LTBP1: variants seen among roughly 807,000 people sequenced by gnomAD.
LTBP1 encodes latent transforming growth factor beta binding protein 1, also known as latent-transforming growth factor beta-binding protein 1.
Under a neutral mutation model 207.6 loss-of-function variants are expected in LTBP1, and 129 were observed. That is an observed-to-expected ratio of 0.62 (90% CI 0.54 to 0.72). The LOEUF (loss-of-function observed/expected upper bound fraction) is 0.72. Ranked by LOEUF, LTBP1 falls within the 30% of genes least tolerant of loss-of-function variation. The pLI is 0.00. For missense variants in LTBP1, 2,281 were observed against 2,217.2 expected (o/e 1.03, Z -0.58); for synonymous variants, 963 against 833.7 (o/e 1.16, Z -2.67).
At chr2:33,104,394 A>G (rs566369482) in intron 3 of LTBP1, among the ~76,000 whole-genome samples, 92 of 152,184 alleles carry the variant, frequency 6.0e-4, no homozygotes, top group Non-Finnish European at 1.1e-3. Context: ...ATGCAGTCAT[A>G]TTTTGGCTCC....
At position 33,301,723 on chromosome 2, in the gene LTBP1, T is replaced by G. The variant is rs2093992088; in HGVS notation, c.3481+79T>G. 3 of 1,280,358 alleles carry G rather than the reference T, an allele frequency of 2.3e-6. No individual in the cohort carries two copies. In the South Asian group the frequency reaches 5.3e-5, roughly 23 times the overall value. The allele number at this position is 1,280,358 out of a possible 1,614,324, so 79.3% of individuals were successfully genotyped here. On this transcript the variant is annotated intron_variant, in intron 22 of 33. Coordinates refer to ENST00000404816, the MANE Select transcript of LTBP1 (RefSeq NM_206943.4). Reference sequence around the variant, plus strand: ...CTGGGCATCATCTCAGCCTTGATCTTTGAACCTCATCTCTTGATTTCATAG... The same window carrying G: ...CTGGGCATCATCTCAGCCTTGATCTGTGAACCTCATCTCTTGATTTCATAG...
chr2:33,179,891 A>C (rs2086444739), intron 5 of LTBP1, among the ~76,000 whole-genome samples: 1 of 152,060 alleles, frequency 6.6e-6, no homozygotes, highest in East Asian at 1.9e-4. Flanking sequence ...ACTGCCTTAT[A>C]TCCTTATGGA....
intron 3 of LTBP1, among the ~76,000 whole-genome samples, chr2:33,080,258 C>A (rs2078317279): frequency 6.6e-6 from 1 of 152,126 alleles, no homozygotes; most frequent in Non-Finnish European, 1.5e-5. Flanking sequence ...AAACTCCTGA[C>A]CTCAAGTGAT....
At chr2:33,160,032 C>T (rs1002607909) in intron 5 of LTBP1, among the ~76,000 whole-genome samples, 2 of 152,142 alleles carry the variant, frequency 1.3e-5, no homozygotes, top group African/African-American at 2.4e-5. Flanking sequence ...GCACCCGCCA[C>T]CACACCTGGC....
intron 2 of LTBP1, among the ~76,000 whole-genome samples, chr2:33,001,102 T>C (rs1686012253): frequency 7.4e-6 from 1 of 134,802 alleles, no homozygotes; most frequent in African/African-American, 2.6e-5. Context: ...GCCTCATACC[T>C]GGCCCATGAT....
At chr2:33,109,716 TA>T (rs1471860773) in intron 3 of LTBP1, among the ~76,000 whole-genome samples, 1 of 152,204 alleles carries the variant, frequency 6.6e-6, no homozygotes, top group African/African-American at 2.4e-5. Flanking sequence ...AGACACAGCA[TA>T]AAAAATTGTT....
chr2:33,124,940 T>A (rs149128590), intron 4 of LTBP1, among the ~76,000 whole-genome samples: 18 of 152,216 alleles, frequency 1.2e-4, no homozygotes, highest in Non-Finnish European at 2.4e-4. Context: ...CCTTTGAACT[T>A]CTTATTATCA....
chr2:32,946,976 C>G lies in LTBP1; in HGVS notation c.-349C>G, dbSNP rs369590661. On this transcript the variant is annotated 5_prime_UTR_variant, in exon 1 of 34. Coordinates refer to ENST00000404816, the MANE Select transcript of LTBP1 (RefSeq NM_206943.4). ...TCGGAGTGTCCCGCGCGCTCTCGCT[C>G]GCTCTCGGCCACCCTCGCCGGGCCC... 4.2e-3 allele frequency: 801 copies of G among 189,590 alleles called. 7 individuals are homozygous for G. The highest frequency in any genetic ancestry group is 0.017 in the African/African-American group (748 of 42,864). The allele number at this position is 189,590 out of a possible 1,614,324, so 11.7% of individuals were successfully genotyped here. A position where few individuals can be genotyped will look rare whatever the true frequency, so the allele number is the denominator to read the frequency against.
intron 3 of LTBP1, among the ~76,000 whole-genome samples, chr2:33,105,587 C>T (rs1037356665): frequency 6.6e-6 from 1 of 152,124 alleles, no homozygotes; most frequent in South Asian, 2.1e-4. Flanking sequence ...CAGATGGCAC[C>T]ACACCTGGCT....
intron 2 of LTBP1, among the ~76,000 whole-genome samples, chr2:32,975,592 T>TG (rs1347616833): frequency 1.0e-4 from 6 of 57,776 alleles, no homozygotes; most frequent in Non-Finnish European, 2.6e-4. Context: ...TGTTTTTTTT[T>TG]TTTTTTTTTT....
At chr2:33,017,852 G>C (rs1053386424) in intron 2 of LTBP1, among the ~76,000 whole-genome samples, 17 of 152,124 alleles carry the variant, frequency 1.1e-4, no homozygotes, top group Non-Finnish European at 2.2e-4. Context: ...TCCTGACCTT[G>C]TGATCCGCCC....
intron 24 of LTBP1, among the ~76,000 whole-genome samples, chr2:33,341,094 AC>A (rs2094613605): frequency 6.9e-6 from 1 of 144,284 alleles, no homozygotes; most frequent in African/African-American, 2.6e-5. Context: ...TCCAAATCTT[AC>A]ATTTTGGCGT....
intron 3 of LTBP1, among the ~76,000 whole-genome samples, chr2:33,055,393 G>A (rs1024320786): frequency 1.3e-5 from 2 of 152,126 alleles, no homozygotes; most frequent in African/African-American, 4.8e-5. Flanking sequence ...TAATTCATGG[G>A]CTTTTTTTCT....
chr2:32,964,637 C>A (rs1435603673), intron 2 of LTBP1, among the ~76,000 whole-genome samples: 1 of 151,526 alleles, frequency 6.6e-6, no homozygotes, highest in Non-Finnish European at 1.5e-5. Flanking sequence ...TTATAAAGGC[C>A]ACAGTTCTAA....
intron 2 of LTBP1, among the ~76,000 whole-genome samples, chr2:32,950,678 C>T (rs1676965597): frequency 6.6e-6 from 1 of 151,908 alleles, no homozygotes; most frequent in Non-Finnish European, 1.5e-5. Flanking sequence ...TTGCAGTGAG[C>T]AGAGATTGTG....
rs1194619943 is a variant in LTBP1, at chr2:33,021,070, G to A, written c.727G>A (p.Gly243Ser). ...GQSPGAASSW[G>S]PPEQAAKHTS... ...GAGTCCTGGGGCTGCTTCCTCGTGG[G>A]GCCCTCCTGAGCAAGCAGCAAAGCA... Residue 243 changes from glycine to serine, a missense_variant, in exon 3 of 34, where the codon GGC (glycine) becomes AGC (serine). Coordinates refer to ENST00000404816, the MANE Select transcript of LTBP1 (RefSeq NM_206943.4). The A allele has an allele frequency of 2.5e-6, 4 of 1,613,908 alleles. No individual in the cohort carries two copies. Among genetic ancestry groups the A allele is most frequent in the African/African-American group, 1.3e-5 (1 of 74,862 alleles).
chr2:33,085,911 C>G (rs1177088525), intron 3 of LTBP1, among the ~76,000 whole-genome samples: 2 of 152,172 alleles, frequency 1.3e-5, no homozygotes, highest in Non-Finnish European at 2.9e-5. Flanking sequence ...GAAGTCTGGT[C>G]TGGCAGGCAG....
rs577428825 is a variant in LTBP1 at position 32,992,658 on chromosome 2, A to G, written c.566-28251A>G. Among the ~76,000 whole-genome samples the G allele has an allele frequency of 6.6e-5, 10 of 152,208 alleles. No individual in the cohort carries two copies. The East Asian group carries it at 1.9e-3, about 29-fold the overall frequency. ...TCGGCATCTTAGTCTGAAAATGGAG[A>G]TTTGTGTCCATTCTAAGGATTCCAG... On this transcript the variant is annotated intron_variant, in intron 2 of 33. Coordinates refer to ENST00000404816, the MANE Select transcript of LTBP1 (RefSeq NM_206943.4).
chr2:33,276,437 C>A (rs1234504067), intron 18 of LTBP1, among the ~76,000 whole-genome samples: 1 of 152,234 alleles, frequency 6.6e-6, no homozygotes, highest in Admixed American at 6.5e-5. Context: ...TTGACCACAG[C>A]AATGAGCTTT....
Sources: gnomAD v4.1 joint callset for allele counts (sites outside exome capture counted in the v4.1 genomes callset) on GRCh38, gnomAD v4.1.1 for gene constraint, MANE v1.5 for transcripts, NCBI Gene and HGNC (gene_info 2026-07-23, HGNC 2026-07-21) for gene names.